LTBP1: variants seen among roughly 807,000 people sequenced by gnomAD.
LTBP1 encodes the protein latent-transforming growth factor beta-binding protein 1.
LTBP1 carries 129 observed loss-of-function variants against 207.6 expected under a neutral mutation model. That is an observed-to-expected ratio of 0.62 (90% confidence interval 0.54 to 0.72). The LOEUF (loss-of-function observed/expected upper bound fraction) is 0.72, where lower values mean the gene tolerates loss of function less well. Among genes scored for constraint, LTBP1 ranks in the 30% least tolerant of loss-of-function variants. The pLI, the probability that LTBP1 is intolerant of heterozygous loss-of-function variation, is 0.00. For synonymous variants in LTBP1, 963 were observed against 833.7 expected, an observed-to-expected ratio of 1.16 and a Z score of -2.67; for missense variants, 2,281 against 2,217.2, an observed-to-expected ratio of 1.03 and a Z score of -0.58.
At chr2:33,097,519 A>T (rs1296531000) in intron 3 of LTBP1, among the ~76,000 whole-genome samples, 1 of 152,170 alleles carries the variant, frequency 6.6e-6, no homozygotes, top group East Asian at 1.9e-4. Context: ...ATTTTACGCC[A>T]CTGGAATACC....
At position 33,036,268 on chromosome 2, in the gene LTBP1, C is replaced by T. The variant is rs186922158; in HGVS notation, c.863+15062C>T. ...GGAGAATTTGGGTGGCTGACAAACT[C>T]GCAGGTGGTGCCAATGCTGAATGCT... On this transcript the variant is annotated intron_variant, in intron 3 of 33. Coordinates refer to ENST00000404816, the MANE Select transcript of LTBP1 (RefSeq NM_206943.4). Among the ~76,000 whole-genome samples, 452 of 152,174 alleles carry T rather than the reference C, an allele frequency of 3.0e-3. 3 individuals carry two copies. The highest frequency in any genetic ancestry group is 3.1e-3 in the Non-Finnish European group (210 of 68,006).
intron 19 of LTBP1, among the ~76,000 whole-genome samples, chr2:33,282,935 C>T (rs557845213): frequency 5.9e-5 from 9 of 151,986 alleles, no homozygotes; most frequent in South Asian, 4.2e-4. Flanking sequence ...TGGTGGCACG[C>T]GCCTATAATC....
chr2:33,357,780 A>G (rs1160165452), intron 26 of LTBP1, among the ~76,000 whole-genome samples: 1 of 152,218 alleles, frequency 6.6e-6, no homozygotes, highest in African/African-American at 2.4e-5. Context: ...ATTTTTTAGA[A>G]GTCTGTGGCA....
At chr2:33,388,796 A>G (rs140317582) in intron 31 of LTBP1, among the ~76,000 whole-genome samples, 149 of 152,276 alleles carry the variant, frequency 9.8e-4, no homozygotes, top group Middle Eastern at 6.8e-3. Flanking sequence ...CTCTGTCAGA[A>G]TGACTACTTT....
Position 33,398,372 on chromosome 2 carries a change from G to A in LTBP1, c.4993G>A (p.Glu1665Lys). The A allele has an allele frequency of 1.7e-5, 27 of 1,613,604 alleles. No homozygotes were observed. The highest frequency in any genetic ancestry group is 2.2e-5 in the Non-Finnish European group (26 of 1,179,738). The change falls in exon 34 of 34, where the codon GAA (glutamate) becomes AAA (lysine). Residue 1665 changes from glutamate (E) to lysine (K), a missense_variant. Glu to Lys is a moderately conservative substitution (Grantham distance 56). This residue lies in a region of LTBP1 where 1,671 missense variants were observed against 1,634.8 expected (regional missense o/e 1.02). Transcript: ENST00000404816. ...GGCTTGACTTATTGCAGATGTAAAT[G>A]AATGCGATGAGTTGAACAACCGGAT... Reference protein sequence around the residue: ...TAKMTCVDVNECDELNNRMSL... With the variant: ...TAKMTCVDVNKCDELNNRMSL...
chr2:33,395,242 A>G (rs907798476), intron 32 of LTBP1, among the ~76,000 whole-genome samples: 1 of 152,204 alleles, frequency 6.6e-6, no homozygotes, highest in Non-Finnish European at 1.5e-5. Flanking sequence ...TGACTTGGCC[A>G]GGGTCACAGG....
intron 20 of LTBP1, among the ~76,000 whole-genome samples, chr2:33,297,119 C>G (rs1027554391): frequency 6.6e-6 from 1 of 152,180 alleles, no homozygotes; most frequent in Non-Finnish European, 1.5e-5. Context: ...GGGAGTAAAA[C>G]TTGGCAGGCA....
At chr2:33,192,224 A>G (rs2087976776) in intron 7 of LTBP1, among the ~76,000 whole-genome samples, 1 of 152,196 alleles carries the variant, frequency 6.6e-6, no homozygotes, top group Non-Finnish European at 1.5e-5. Context: ...TGCAGTATAA[A>G]TGACTTGCTG....
intron 3 of LTBP1, among the ~76,000 whole-genome samples, chr2:33,108,167 C>G (rs1360842331): frequency 2.6e-5 from 4 of 151,994 alleles, no homozygotes; most frequent in Non-Finnish European, 5.9e-5. Context: ...AGTAATGGGA[C>G]AGTTTCCTCT....
intron 23 of LTBP1, among the ~76,000 whole-genome samples, chr2:33,311,029 GA>G (rs1464074168): frequency 6.6e-6 from 1 of 151,946 alleles, no homozygotes; most frequent in East Asian, 1.9e-4. Flanking sequence ...GAATATGTAT[GA>G]TTTTTTTAAA....
chr2:33,345,514 A>G (rs1186472367), intron 25 of LTBP1, among the ~76,000 whole-genome samples: 1 of 152,250 alleles, frequency 6.6e-6, no homozygotes, highest in East Asian at 1.9e-4. Flanking sequence ...TTTACCTAAA[A>G]TTGATCAATG....
chr2:33,011,618 G>A (rs948368170), intron 2 of LTBP1, among the ~76,000 whole-genome samples: 1 of 151,972 alleles, frequency 6.6e-6, no homozygotes, highest in African/African-American at 2.4e-5. Flanking sequence ...TTAGCTCCCA[G>A]AATTGTGAAA....
intron 14 of LTBP1, 110 bp from the exon 15 acceptor site, chr2:33,263,184 A>G (rs2093067554): frequency 1.4e-6 from 1 of 714,014 alleles, no homozygotes; most frequent in Non-Finnish European, 2.5e-6. Context: ...TTTATATCTG[A>G]CAAATGCTGT....
chr2:33,056,438 G>A (rs899956301), intron 3 of LTBP1: 2 of 976,330 alleles, frequency 2.0e-6, no homozygotes, highest in African/African-American at 1.7e-5. Flanking sequence ...CCAGCAGCTT[G>A]TTTAGTTCCC....
chr2:33,341,729 A>AAAAAATATATATATATAT (rs745445793), intron 24 of LTBP1, among the ~76,000 whole-genome samples: 46 of 93,610 alleles, frequency 4.9e-4, no homozygotes, highest in South Asian at 1.2e-3. Flanking sequence ...AAAAAAAAAA[A>AAAAAATATATATATATAT]ATATATATAT....
chr2:33,025,039 C>G (rs1180119662), intron 3 of LTBP1, among the ~76,000 whole-genome samples: 2 of 152,220 alleles, frequency 1.3e-5, no homozygotes, highest in Non-Finnish European at 2.9e-5. Context: ...ATGTGGACCT[C>G]TCTGTAGAGC....
chr2:33,278,831 A>G (rs541725186), intron 18 of LTBP1, among the ~76,000 whole-genome samples: 4 of 152,304 alleles, frequency 2.6e-5, no homozygotes, highest in Admixed American at 2.0e-4. Context: ...TAAAAAAACC[A>G]CTATGTATCA....
intron 19 of LTBP1, among the ~76,000 whole-genome samples, chr2:33,292,765 T>A (rs909872751): frequency 6.6e-6 from 1 of 152,240 alleles, no homozygotes; most frequent in Non-Finnish European, 1.5e-5. Flanking sequence ...TTTGCTTTTG[T>A]GAACTCTCCC....
Position 33,006,602 on chromosome 2 carries a change from C to G in LTBP1, c.566-14307C>G, listed in dbSNP as rs533791953. Among the ~76,000 whole-genome samples, 5 of 152,012 alleles carry G rather than the reference C, an allele frequency of 3.3e-5. No individual in the cohort carries two copies. The South Asian group carries it at 1.0e-3, about 32-fold the overall frequency. ...TTCACCATGTTGGCCAGGCTGGTCTCAAACTCCTGACTTCAAGTGATCTGC... is the reference window on the plus strand; with the variant it reads ...TTCACCATGTTGGCCAGGCTGGTCTGAAACTCCTGACTTCAAGTGATCTGC... On this transcript the variant is annotated intron_variant, in intron 2 of 33. Transcript: ENST00000404816.
Sources: gnomAD v4.1 joint callset for allele counts (sites outside exome capture counted in the v4.1 genomes callset) on GRCh38, gnomAD v4.1.1 for gene constraint, gnomAD v4.1.1 regional missense constraint, MANE v1.5 for transcripts, NCBI Gene and HGNC (gene_info 2026-07-23, HGNC 2026-07-21) for gene names.